The following PKDCC variants were observed in gnomAD, a reference collection of about 807,000 sequenced individuals.
PKDCC encodes extracellular tyrosine-protein kinase PKDCC.
Under a neutral mutation model 44.7 loss-of-function variants are expected in PKDCC, and 35 were observed. The observed-to-expected ratio is 0.78, with a 90% CI of 0.60 to 1.04. PKDCC has a LOEUF of 1.04. PKDCC is among the 50% of genes least tolerant of loss of function. PKDCC has a pLI of 0.00. For missense variants in PKDCC, 738 were observed against 672.7 expected, an observed-to-expected ratio of 1.10 and a Z score of -1.07; for synonymous variants, 353 against 303.3, an observed-to-expected ratio of 1.16 and a Z score of -1.70.
rs765677586 is a variant in PKDCC at position 42,054,088 on chromosome 2, G to A, written c.815G>A (p.Gly272Asp). ...CACCACCTGGCCCACTCCCCACTGG[G>A]CTCCGTCACTCTGCTGGACTTCCGC... ...LLHHLAHSPL[G>D]SVTLLDFRPR... is the part of the protein sequence containing the mutation. The change falls in exon 3 of 7, where the codon GGC becomes GAC. Residue 272 changes from glycine to aspartate, a missense_variant. Coordinates refer to ENST00000294964, the MANE Select transcript of PKDCC (RefSeq NM_138370.3). The surrounding 1 kb of genome is among the most constrained non-coding windows in gnomAD (Gnocchi z 6.1). The A allele has an allele frequency of 6.2e-7, 1 of 1,612,500 alleles. No homozygotes were observed. Among genetic ancestry groups the A allele is most frequent in the Non-Finnish European group, 8.5e-7 (1 of 1,179,880 alleles).
intron 2 of PKDCC, 126 bp from the exon 3 acceptor site, chr2:42,053,910 G>A: frequency 8.4e-7 from 1 of 1,188,432 alleles, no homozygotes; most frequent in Non-Finnish European, 1.2e-6. Context: ...GAGCCCTGGG[G>A]CCTATAGAAG....
In PKDCC at chr2:42,052,752, AG is replaced by A. The variant is rs1348899882; in HGVS notation, c.640-486del. ...GCGAGGCTGTCTCAAAAAAAAAAAA[AG>A]AAAAGAAAAGAAAAATAAATAAAAA... On this transcript the variant is annotated intron_variant, in intron 1 of 6. Transcript: ENST00000294964. The surrounding 1 kb of genome is among the most constrained non-coding windows in gnomAD (Gnocchi z 4.3). 9.3e-5 allele frequency among the ~76,000 whole-genome samples: 14 copies of A among 150,602 alleles called. No individual in the cohort carries two copies. In the South Asian group the frequency reaches 2.7e-3, roughly 29 times the overall value.
rs1467530509 is a variant in PKDCC at position 42,051,531 on chromosome 2, TA to T, written c.640-1706del. Among the ~76,000 whole-genome samples, 1 of 152,106 alleles carries T rather than the reference TA, an allele frequency of 6.6e-6. No homozygotes were observed. The highest frequency in any genetic ancestry group is 1.5e-5 in the Non-Finnish European group (1 of 68,016). On this transcript the variant is annotated intron_variant, in intron 1 of 6. Transcript: ENST00000294964. The surrounding 1 kb of genome is among the most constrained non-coding windows in gnomAD (Gnocchi z 4.2). The stretch of plus-strand genomic sequence containing the variant: ...TTATTTTTTCCTGAGGGGTGTTGAT[TA>T]ATACCTCGTTAACAGCGCATTTAAC...
Position 42,055,367 on chromosome 2 carries a change from A to C in PKDCC, c.1196A>C (p.Gln399Pro). The change falls in exon 5 of 7, where the codon CAG (glutamine) becomes CCG (proline). Residue 399 changes from glutamine to proline, a missense_variant. Coordinates refer to ENST00000294964, the MANE Select transcript of PKDCC (RefSeq NM_138370.3). The surrounding 1 kb of genome is among the most constrained non-coding windows in gnomAD (Gnocchi z 4.5). Reference protein sequence around the residue: ...LHLYRSGQYLQNSTASSSTEY... With the variant: ...LHLYRSGQYLPNSTASSSTEY... Reference sequence around the variant, plus strand: ...CTGTACCGGAGCGGGCAGTATCTGCAGAACTCCACGGCAAGCAGCAGTACC... The same window carrying C: ...CTGTACCGGAGCGGGCAGTATCTGCCGAACTCCACGGCAAGCAGCAGTACC... The C allele has an allele frequency of 2.5e-6, 4 of 1,613,692 alleles. No individual in the cohort carries two copies. Among genetic ancestry groups the C allele is most frequent in the Non-Finnish European group, 3.4e-6 (4 of 1,179,968 alleles).
At position 42,051,678 on chromosome 2, in the gene PKDCC, G is replaced by A. The variant is rs1667970378; in HGVS notation, c.640-1561G>A. Among the ~76,000 whole-genome samples, 1 of 152,118 alleles carries A rather than the reference G, an allele frequency of 6.6e-6. No individual in the cohort carries two copies. On this transcript the variant is annotated intron_variant, in intron 1 of 6. Coordinates refer to ENST00000294964, the MANE Select transcript of PKDCC (RefSeq NM_138370.3). The surrounding 1 kb of genome is among the most constrained non-coding windows in gnomAD (Gnocchi z 4.2). ...CCTTCCCCCCACCCCACCAGGGTCT[G>A]GGGCTTCCCTGGACTGATGGGGAGG...
chr2:42,051,358 C>G lies in PKDCC; in HGVS notation c.640-1881C>G, dbSNP rs1228936857. ...CCCACCTCCCCCTCCCCCAGTCATC[C>G]TGGGGCCCCCAGGCCTTGGATGGGC... is the stretch of plus-strand genomic sequence containing the variant. On this transcript the variant is annotated intron_variant, in intron 1 of 6. Transcript: ENST00000294964. This position sits in a 1 kb window ranked among gnomAD's most constrained non-coding sequence, Gnocchi z 4.2. Among the ~76,000 whole-genome samples, 1 of 145,508 alleles carries G rather than the reference C, an allele frequency of 6.9e-6. No individual in the cohort carries two copies. Among genetic ancestry groups the G allele is most frequent in the African/African-American group, 2.6e-5 (1 of 38,644 alleles).
rs540174580 is a variant in PKDCC at position 42,051,703 on chromosome 2, G to C, written c.640-1536G>C. 3.3e-5 allele frequency among the ~76,000 whole-genome samples: 5 copies of C among 152,088 alleles called. No individual in the cohort carries two copies. ...GGGGCTTCCCTGGACTGATGGGGAG[G>C]GGGTGGAGAGAGAAGAGGGTGCCTG... On this transcript the variant is annotated intron_variant, in intron 1 of 6. Transcript: ENST00000294964. The surrounding 1 kb of genome is among the most constrained non-coding windows in gnomAD (Gnocchi z 4.2).
rs1176207723 is a variant in PKDCC, at chr2:42,052,563, A to G, written c.640-676A>G. The stretch of plus-strand genomic sequence containing the variant: ...CGGCAGTTTGAGACCAGCCTGGCCA[A>G]CATGGTGAAACCCTGTTTCTACTAA... On this transcript the variant is annotated intron_variant, in intron 1 of 6. Coordinates refer to ENST00000294964, the MANE Select transcript of PKDCC (RefSeq NM_138370.3). This position sits in a 1 kb window ranked among gnomAD's most constrained non-coding sequence, Gnocchi z 4.3. Among the ~76,000 whole-genome samples the G allele has an allele frequency of 6.6e-6, 1 of 152,150 alleles. No homozygotes were observed. The highest frequency in any genetic ancestry group is 2.4e-5 in the African/African-American group (1 of 41,430).
At chr2:42,053,470 A>AG in intron 2 of PKDCC, 109 bp downstream of exon 2, 1 of 1,427,608 alleles carries the variant, frequency 7.0e-7, no homozygotes, top group South Asian at 1.4e-5. Flanking sequence ...AGGGAGAGGG[A>AG]GGGGAGGAAG....
At chr2:42,053,203 C>A in intron 1 of PKDCC, 36 bp from the exon 2 acceptor site, 2 of 1,473,424 alleles carry the variant, frequency 1.4e-6, no homozygotes, top group Admixed American at 1.9e-5. Flanking sequence ...CCACCCCCAC[C>A]CTGTGACCTA....
intron 2 of PKDCC, 101 bp from the exon 3 acceptor site, chr2:42,053,935 C>G: frequency 1.4e-6 from 2 of 1,468,920 alleles, no homozygotes; most frequent in Non-Finnish European, 1.8e-6. Flanking sequence ...GTGCCAACCC[C>G]CACAAGCAAA....
At chr2:42,053,792 C>T (rs1319736086) in intron 2 of PKDCC, among the ~76,000 whole-genome samples, 1 of 152,192 alleles carries the variant, frequency 6.6e-6, no homozygotes, top group Non-Finnish European at 1.5e-5. Context: ...CAGACCCTCG[C>T]TGCTGCAGTT....
In PKDCC at chr2:42,053,224, C is replaced by T. The variant is rs1667998261; in HGVS notation, c.640-15C>T. 1.3e-6 allele frequency: 2 copies of T among 1,597,888 alleles called. No homozygotes were observed. Among genetic ancestry groups the T allele is most frequent in the Non-Finnish European group, 1.7e-6 (2 of 1,172,632 alleles). ...CCACCCTGTGACCTAATGACCTGCC[C>T]TCGGCTTTCCCCAGCTCTATGGCTA... On this transcript the variant is annotated splice_polypyrimidine_tract_variant and intron_variant, in intron 1 of 6. Coordinates refer to ENST00000294964, the MANE Select transcript of PKDCC (RefSeq NM_138370.3).
Position 42,054,482 on chromosome 2 carries a change from A to G in PKDCC, c.1034+175A>G, listed in dbSNP as rs1668020884. The G allele has an allele frequency of 5.4e-6, 4 of 740,356 alleles. No homozygotes were observed. Among genetic ancestry groups the G allele is most frequent in the Non-Finnish European group, 8.6e-6 (4 of 463,464 alleles). 45.9% of individuals were successfully genotyped at this position (740,356 alleles called of 1,614,324 possible). On this transcript the variant is annotated intron_variant, in intron 3 of 6. Transcript: ENST00000294964. The surrounding 1 kb of genome is among the most constrained non-coding windows in gnomAD (Gnocchi z 6.1). ...CATTCAGGCCTCTGATGGAGAGGCT[A>G]AAAATAGACAGCTCCAAGGAGAATC...
chr2:42,048,039 T>C lies in PKDCC; in HGVS notation c.-161T>C, dbSNP rs1303837418. On this transcript the variant is annotated 5_prime_UTR_variant, in exon 1 of 7. An upstream start codon of the reference 5' UTR is lost. Coordinates refer to ENST00000294964, the MANE Select transcript of PKDCC (RefSeq NM_138370.3). The surrounding 1 kb of genome is among the most constrained non-coding windows in gnomAD (Gnocchi z 6.2). ...GGCAGGGAGGCAAGTGTCAGGCCGA[T>C]GTGTCGCCCGCGAGGGGCCGGGGTC... 5.4e-6 allele frequency: 1 copy of C among 184,716 alleles called. No individual in the cohort carries two copies. Among genetic ancestry groups the C allele is most frequent in the Non-Finnish European group, 8.4e-6 (1 of 118,394 alleles). The allele number at this position is 184,716 out of a possible 1,614,324, so 11.4% of individuals were successfully genotyped here. A position where few individuals can be genotyped will look rare whatever the true frequency, so the allele number is the denominator to read the frequency against.
Position 42,057,794 on chromosome 2 carries a change from G to A in PKDCC, c.*106G>A, listed in dbSNP as rs927061531. On this transcript the variant is annotated 3_prime_UTR_variant, in exon 7 of 7. Coordinates refer to ENST00000294964, the MANE Select transcript of PKDCC (RefSeq NM_138370.3). ...CACTGCATGTCACCTGGGAACCCCT[G>A]CAGACAAAGCTAACATCCCAGACAG... The A allele has an allele frequency of 1.2e-5, 11 of 900,238 alleles. No homozygotes were observed. Among genetic ancestry groups the A allele is most frequent in the African/African-American group, 6.7e-5 (4 of 60,084 alleles). 55.8% of individuals were successfully genotyped at this position (900,238 alleles called of 1,614,324 possible).
chr2:42,055,001 C>T lies in PKDCC; in HGVS notation c.1095C>T (p.Asp365=). 2 of 1,614,102 alleles carry T rather than the reference C, an allele frequency of 1.2e-6. No individual in the cohort carries two copies. Among genetic ancestry groups the T allele is most frequent in the Non-Finnish European group, 1.7e-6 (2 of 1,179,940 alleles). ...CGCCTTCACTGCGTCCTCTGCTGGA[C>T]AGCATCGTCAACGCCACAGGTGAGC... ...SAPPSLRPLL[D]SIVNATGELA... Residue 365 remains aspartate, a synonymous_variant, in exon 4 of 7, where the codon GAC becomes GAT. Transcript: ENST00000294964. The surrounding 1 kb of genome is among the most constrained non-coding windows in gnomAD (Gnocchi z 4.5).
At position 42,052,073 on chromosome 2, in the gene PKDCC, G is replaced by A. The variant is rs574334459; in HGVS notation, c.640-1166G>A. ...GCCTGTGGGTGCTGTTAAGGTGGTAGTGACACTCAGGCTTTGCTTCCCAGA... is the reference window on the plus strand; with the variant it reads ...GCCTGTGGGTGCTGTTAAGGTGGTAATGACACTCAGGCTTTGCTTCCCAGA... On this transcript the variant is annotated intron_variant, in intron 1 of 6. Transcript: ENST00000294964. The surrounding 1 kb of genome is among the most constrained non-coding windows in gnomAD (Gnocchi z 4.3). Among the ~76,000 whole-genome samples the A allele has an allele frequency of 6.6e-6, 1 of 152,072 alleles. No individual in the cohort carries two copies. Among genetic ancestry groups the A allele is most frequent in the African/African-American group, 2.4e-5 (1 of 41,360 alleles).
chr2:42,058,105 G>C lies in PKDCC; in HGVS notation c.*417G>C. On this transcript the variant is annotated 3_prime_UTR_variant, in exon 7 of 7. Transcript: ENST00000294964. The surrounding 1 kb of genome is among the most constrained non-coding windows in gnomAD (Gnocchi z 4.2). ...TGCCACAGCAGGCGGTGGGGGCTGC[G>C]TGGGGACAATCCATCGTGGAGTGTT... 5.1e-6 allele frequency: 1 copy of C among 195,062 alleles called. No individual in the cohort carries two copies. Among genetic ancestry groups the C allele is most frequent in the African/African-American group, 2.3e-5 (1 of 42,818 alleles). 12.1% of individuals were successfully genotyped at this position (195,062 alleles called of 1,614,324 possible). A position where few individuals can be genotyped will look rare whatever the true frequency, so the allele number is the denominator to read the frequency against.
Sources: gnomAD v4.1 joint callset for allele counts (sites outside exome capture counted in the v4.1 genomes callset) on GRCh38, gnomAD v4.1.1 for gene constraint, Gnocchi (gnomAD v3.1) non-coding constraint, MANE v1.5 for transcripts, NCBI Gene and HGNC (gene_info 2026-07-23, HGNC 2026-07-21) for gene names.